Variants in DGCR2 observed in about 807,000 individuals in gnomAD.
DGCR2 encodes the protein DiGeorge syndrome critical region gene 2.
Under a neutral mutation model 51.6 loss-of-function variants are expected in DGCR2, and 24 were observed. That is an observed-to-expected ratio of 0.47 (90% CI 0.34 to 0.65). The LOEUF (loss-of-function observed/expected upper bound fraction) is 0.65. Among genes scored for constraint, DGCR2 ranks in the 30% least tolerant of loss-of-function variants. DGCR2 has a pLI of 0.01. For synonymous variants in DGCR2, 340 were observed against 315.4 expected, an observed-to-expected ratio of 1.08 and a Z score of -0.82; for missense variants, 765 against 772.1, an observed-to-expected ratio of 0.99 and a Z score of 0.11.
At chr22:19,085,220 C>T (rs2083001597) in intron 2 of DGCR2, among the ~76,000 whole-genome samples, 1 of 152,026 alleles carries the variant, frequency 6.6e-6, no homozygotes, top group African/African-American at 2.4e-5. Flanking sequence ...ACTGGCAAGG[C>T]TATATAGTGT....
chr22:19,090,619 T>C (rs1448161993), intron 1 of DGCR2, among the ~76,000 whole-genome samples: 1 of 152,198 alleles, frequency 6.6e-6, no homozygotes, highest in African/African-American at 2.4e-5. Flanking sequence ...AGTAAAATTT[T>C]GACAATAGTA....
At chr22:19,046,252 T>C (rs765604993) in intron 7 of DGCR2, 11 of 152,212 alleles carry the variant, frequency 7.2e-5, no homozygotes, top group Non-Finnish European at 1.3e-4. Context: ...TTATTTATAA[T>C]TGGGTATTTC....
chr22:19,083,002 G>A (rs1187680854), intron 2 of DGCR2, among the ~76,000 whole-genome samples: 1 of 150,496 alleles, frequency 6.6e-6, no homozygotes, highest in African/African-American at 2.4e-5. Flanking sequence ...TAGGAGGATG[G>A]CTTGAGCCCA....
intron 5 of DGCR2, chr22:19,061,241 T>C (rs1329219851): frequency 6.0e-6 from 1 of 167,446 alleles, no homozygotes; most frequent in Admixed American, 6.4e-5. Context: ...GGGCTAGACG[T>C]GCTCTTGCTA....
In DGCR2 at chr22:19,063,417, T is replaced by A. The variant is rs2082710032; in HGVS notation, c.549-139A>T. 4 of 752,294 alleles carry A rather than the reference T, an allele frequency of 5.3e-6. No homozygotes were observed. The Admixed American group carries it at 9.0e-5, about 17-fold the overall frequency. The allele number at this position is 752,294 out of a possible 1,614,324, so 46.6% of individuals were successfully genotyped here. ...GTGCAGTGGTGCGATCTCGGCTCAC[T>A]GCAACTTGACTTCCTGGTTCAAGCA... is the stretch of plus-strand genomic sequence containing the variant. On this transcript the variant is annotated intron_variant, in intron 4 of 9. Transcript: ENST00000263196.
intron 1 of DGCR2, among the ~76,000 whole-genome samples, chr22:19,090,916 C>G (rs1336959043): frequency 6.6e-6 from 1 of 152,008 alleles, no homozygotes; most frequent in African/African-American, 2.4e-5. Flanking sequence ...TCTAAACACT[C>G]CAACTGAAAG....
At chr22:19,043,280 A>T (rs1481873833) in intron 7 of DGCR2, among the ~76,000 whole-genome samples, 1 of 152,222 alleles carries the variant, frequency 6.6e-6, no homozygotes, top group African/African-American at 2.4e-5. Flanking sequence ...ATCCTCCAGG[A>T]CAGCCCCCAA....
chr22:19,063,141 G>C (rs1221286773), intron 5 of DGCR2, 61 bp downstream of exon 5: 3 of 1,490,722 alleles, frequency 2.0e-6, no homozygotes, highest in Non-Finnish European at 2.8e-6. Context: ...GAGGAGGGGA[G>C]GCCCCGAATC....
chr22:19,070,640 T>G (rs1444192233), intron 2 of DGCR2, among the ~76,000 whole-genome samples: 1 of 152,148 alleles, frequency 6.6e-6, no homozygotes, highest in Admixed American at 6.5e-5. Context: ...CCCCCTGGGG[T>G]GGGAGACCAG....
intron 6 of DGCR2, among the ~76,000 whole-genome samples, chr22:19,050,687 G>T (rs993776110): frequency 2.6e-5 from 4 of 152,204 alleles, no homozygotes; most frequent in African/African-American, 9.6e-5. Context: ...ACTTAGATTT[G>T]CCAAGAATGG....
At chr22:19,119,075 A>T (rs140757069) in intron 1 of DGCR2, among the ~76,000 whole-genome samples, 3 of 152,286 alleles carry the variant, frequency 2.0e-5, no homozygotes, top group African/African-American at 7.2e-5. Context: ...ATCCACATGG[A>T]AAAAGATTCT....
intron 2 of DGCR2, among the ~76,000 whole-genome samples, chr22:19,088,838 G>GGCAGA (rs2083046352): frequency 6.6e-6 from 1 of 152,214 alleles, no homozygotes; most frequent in African/African-American, 2.4e-5. Flanking sequence ...ACCAGGTGAA[G>GGCAGA]AACCTGGTTC....
intron 7 of DGCR2, among the ~76,000 whole-genome samples, chr22:19,044,753 CCTGA>C (rs776384405): frequency 2.6e-5 from 4 of 152,248 alleles, no homozygotes; most frequent in East Asian, 1.9e-4. Flanking sequence ...GTTTCAGCTG[CCTGA>C]CTGTCATCCT....
At chr22:19,102,538 T>C (rs1407464013) in intron 1 of DGCR2, among the ~76,000 whole-genome samples, 2 of 151,548 alleles carry the variant, frequency 1.3e-5, no homozygotes, top group African/African-American at 2.4e-5. Flanking sequence ...CCATCTCTAC[T>C]AAAAATACAA....
At position 19,041,604 on chromosome 22, in the gene DGCR2, C is replaced by T. The variant is rs1601498915; in HGVS notation, c.1159+203G>A. The T allele has an allele frequency of 4.6e-6, 3 of 653,646 alleles. No individual in the cohort carries two copies. In the East Asian group the frequency reaches 8.3e-5, roughly 18 times the overall value. 40.5% of individuals were successfully genotyped at this position (653,646 alleles called of 1,614,324 possible). A position where few individuals can be genotyped will look rare whatever the true frequency, so the allele number is the denominator to read the frequency against. On this transcript the variant is annotated intron_variant, in intron 8 of 9. Transcript: ENST00000263196. The stretch of plus-strand genomic sequence containing the variant: ...TCTGACCCTCAGAGGCCTCCGAGTT[C>T]TGCCCACCCTGTGGCTCAATGGGAA...
chr22:19,089,277 G>A, intron 2 of DGCR2, 91 bp downstream of exon 2: 3 of 1,383,694 alleles, frequency 2.2e-6, no homozygotes, highest in Non-Finnish European at 9.7e-7. Flanking sequence ...TGTTAAGACA[G>A]CACACACCTC....
At chr22:19,042,099 T>C in intron 7 of DGCR2, 140 bp from the exon 8 acceptor site, 1 of 1,025,660 alleles carries the variant, frequency 9.7e-7, no homozygotes, top group South Asian at 1.7e-5. Context: ...ATCTTTAGGA[T>C]ACATGTGAAA....
Position 19,038,509 on chromosome 22 carries a change from G to GT in DGCR2, c.*355dup. On this transcript the variant is annotated 3_prime_UTR_variant, in exon 10 of 10. Coordinates refer to ENST00000263196, the MANE Select transcript of DGCR2 (RefSeq NM_005137.3). ...CTCTCTGGACAGCACACTGCACCAA[G>GT]TAAGCCCACCAAAAACGCATCAGGT... is the stretch of plus-strand genomic sequence containing the variant. 1 of 287,440 alleles carries GT rather than the reference G, an allele frequency of 3.5e-6. No individual in the cohort carries two copies. 17.8% of individuals were successfully genotyped at this position (287,440 alleles called of 1,614,324 possible).
chr22:19,122,163 A>G lies in DGCR2; in HGVS notation c.44T>C (p.Leu15Pro), dbSNP rs2083441421. Residue 15 changes from leucine (L) to proline (P), a missense_variant, in exon 1 of 10, where the codon CTG becomes CCG. Physicochemically the swap from Leu to Pro is moderately conservative, Grantham distance 98 (BLOSUM62 -3). Coordinates refer to ENST00000263196, the MANE Select transcript of DGCR2 (RefSeq NM_005137.3). ...ADSGAFLLLF[L>P]LVLTVTEPLR... ...CGGCTCGGTGACAGTGAGCACGAGC[A>G]GGAAGAGCAGCAGGAAGGCGCCGCT... is the stretch of plus-strand genomic sequence containing the variant. 1.1e-5 allele frequency: 17 copies of G among 1,512,030 alleles called. No individual in the cohort carries two copies. Among genetic ancestry groups the G allele is most frequent in the Non-Finnish European group, 1.5e-5 (17 of 1,130,062 alleles). The allele number at this position is 1,512,030 out of a possible 1,614,324, so 93.7% of individuals were successfully genotyped here. A position where few individuals can be genotyped will look rare whatever the true frequency, so the allele number is the denominator to read the frequency against.
Sources: gnomAD v4.1 joint callset for allele counts (sites outside exome capture counted in the v4.1 genomes callset) on GRCh38, gnomAD v4.1.1 for gene constraint, MANE v1.5 for transcripts, NCBI Gene and HGNC (gene_info 2026-07-23, HGNC 2026-07-21) for gene names.